NXPH1: variants seen among roughly 807,000 people sequenced by gnomAD.
NXPH1 encodes the protein neurexophilin 1.
A neutral mutation model predicts 23.7 loss-of-function variants in NXPH1; 5 were observed. The observed-to-expected ratio is 0.21, with a 90% CI of 0.11 to 0.44. The LOEUF (loss-of-function observed/expected upper bound fraction) is 0.44. NXPH1 is among the 20% of genes least tolerant of loss of function. The pLI, the probability that NXPH1 is intolerant of heterozygous loss-of-function variation, is 0.99. For synonymous variants in NXPH1, 144 were observed against 122.2 expected, an observed-to-expected ratio of 1.18 and a Z score of -1.18; for missense variants, 324 against 321.6, an observed-to-expected ratio of 1.01 and a Z score of -0.06.
At chr7:8,454,381 G>A (rs1490053497) in intron 2 of NXPH1, among the ~76,000 whole-genome samples, 1 of 152,104 alleles carries the variant, frequency 6.6e-6, no homozygotes, top group African/African-American at 2.4e-5. Context: ...AGAGTTTAAA[G>A]GGGAGATAGA....
intron 2 of NXPH1, among the ~76,000 whole-genome samples, chr7:8,544,788 G>A (rs537225172): frequency 6.6e-6 from 1 of 151,670 alleles, no homozygotes; most frequent in African/African-American, 2.4e-5. Context: ...TTCTAGACAT[G>A]AAGCATTTGT....
intron 2 of NXPH1, among the ~76,000 whole-genome samples, chr7:8,439,479 C>T (rs543573109): frequency 1.1e-4 from 16 of 152,184 alleles, no homozygotes; most frequent in Admixed American, 5.2e-4. Flanking sequence ...CCAATGCATC[C>T]GACAAGGCAT....
At chr7:8,537,950 G>T (rs79741225) in intron 2 of NXPH1, among the ~76,000 whole-genome samples, 4 of 151,860 alleles carry the variant, frequency 2.6e-5, no homozygotes, top group Non-Finnish European at 4.4e-5. Context: ...AAGGCGAGGG[G>T]AATGGAGCCC....
chr7:8,717,581 T>A (rs529262927), intron 2 of NXPH1, among the ~76,000 whole-genome samples: 8 of 152,314 alleles, frequency 5.3e-5, no homozygotes, highest in African/African-American at 1.9e-4. Context: ...TGACTTTTGA[T>A]TTTTCACTGA....
At chr7:8,683,659 G>T (rs1037607365) in intron 2 of NXPH1, among the ~76,000 whole-genome samples, 1 of 151,914 alleles carries the variant, frequency 6.6e-6, no homozygotes, top group Non-Finnish European at 1.5e-5. Context: ...CTGGCTTTTT[G>T]ATCTATTAGG....
chr7:8,745,693 C>G (rs1375468679), intron 2 of NXPH1, among the ~76,000 whole-genome samples: 1 of 149,266 alleles, frequency 6.7e-6, no homozygotes, highest in African/African-American at 2.5e-5. Context: ...GCTGGGACTA[C>G]AGGCATGTGC....
In NXPH1 at chr7:8,435,286, C is replaced by T. The variant is rs1240321520; in HGVS notation, c.-110-318C>T. Reference sequence around the variant, plus strand: ...GGCCACCCAACACAAGGGCAGGTCTCGCTGCCGGAGAAGCCTGGGCTCCGA... The same window carrying T: ...GGCCACCCAACACAAGGGCAGGTCTTGCTGCCGGAGAAGCCTGGGCTCCGA... On this transcript the variant is annotated intron_variant, in intron 1 of 2. Transcript: ENST00000405863. The surrounding 1 kb of genome is among the most constrained non-coding windows in gnomAD (Gnocchi z 5.9). 4 of 256,418 alleles carry T rather than the reference C, an allele frequency of 1.6e-5. No individual in the cohort carries two copies. The highest frequency in any genetic ancestry group is 5.1e-5 in the Admixed American group (1 of 19,702). The allele number at this position is 256,418 out of a possible 1,614,324, so 15.9% of individuals were successfully genotyped here.
At chr7:8,501,866 C>T (rs376339068) in intron 2 of NXPH1, among the ~76,000 whole-genome samples, 10 of 152,162 alleles carry the variant, frequency 6.6e-5, no homozygotes, top group East Asian at 3.9e-4. Context: ...TCAATGAAGA[C>T]GGCAATTAGA....
intron 2 of NXPH1, among the ~76,000 whole-genome samples, chr7:8,553,821 CAA>C (rs1818313821): frequency 6.6e-6 from 1 of 151,642 alleles, no homozygotes; most frequent in African/African-American, 2.4e-5. Flanking sequence ...AAAAATAAAA[CAA>C]ACTACAGGTT....
chr7:8,637,366 G>T (rs62447914), intron 2 of NXPH1, among the ~76,000 whole-genome samples: 41,689 of 151,818 alleles, frequency 0.27, 6,171 homozygotes, highest in African/African-American at 0.35. Flanking sequence ...GGGACCACAG[G>T]CTCGTGCCAC....
rs4720784 is a variant in NXPH1, at chr7:8,543,184, T to C, written c.54+107417T>C. Among the ~76,000 whole-genome samples, 666 of 151,706 alleles carry C rather than the reference T, an allele frequency of 4.4e-3. 10 individuals carry two copies. The highest frequency in any genetic ancestry group is 0.027 in the Admixed American group (413 of 15,200). ...TATACTGCTACTATAAAACTCTTCATTGACCTTCAATTGCATCTCATCCAC... is the reference window on the plus strand; with the variant it reads ...TATACTGCTACTATAAAACTCTTCACTGACCTTCAATTGCATCTCATCCAC... On this transcript the variant is annotated intron_variant, in intron 2 of 2. Coordinates refer to ENST00000405863, the MANE Select transcript of NXPH1 (RefSeq NM_152745.3).
intron 2 of NXPH1, among the ~76,000 whole-genome samples, chr7:8,484,779 C>G (rs1055964780): frequency 6.6e-6 from 1 of 152,086 alleles, no homozygotes; most frequent in African/African-American, 2.4e-5. Flanking sequence ...TTTCTTTAAT[C>G]AGGGAAAAAT....
intron 2 of NXPH1, among the ~76,000 whole-genome samples, chr7:8,503,100 G>T (rs1044008801): frequency 6.6e-6 from 1 of 152,074 alleles, no homozygotes; most frequent in African/African-American, 2.4e-5. Flanking sequence ...CTGGCAAAGA[G>T]AAATATTTGA....
At chr7:8,628,356 T>A (rs1820039846) in intron 2 of NXPH1, among the ~76,000 whole-genome samples, 1 of 146,624 alleles carries the variant, frequency 6.8e-6, no homozygotes, top group Admixed American at 6.8e-5. Context: ...CATTAGAACA[T>A]TTTATGCATA....
chr7:8,449,561 T>C (rs1816468961), intron 2 of NXPH1, among the ~76,000 whole-genome samples: 1 of 152,178 alleles, frequency 6.6e-6, no homozygotes, highest in Non-Finnish European at 1.5e-5. Flanking sequence ...CTCATGCTAG[T>C]GATATGGTTG....
intron 2 of NXPH1, among the ~76,000 whole-genome samples, chr7:8,683,110 G>A (rs1821084070): frequency 6.6e-6 from 1 of 152,224 alleles, no homozygotes; most frequent in African/African-American, 2.4e-5. Flanking sequence ...GGCTTCTGGT[G>A]AGGCCTCAAG....
chr7:8,536,049 G>A (rs999963295), intron 2 of NXPH1, among the ~76,000 whole-genome samples: 5 of 151,920 alleles, frequency 3.3e-5, no homozygotes, highest in African/African-American at 1.2e-4. Flanking sequence ...TAAACACCTT[G>A]TACTTCTACT....
intron 2 of NXPH1, among the ~76,000 whole-genome samples, chr7:8,661,803 C>T (rs1820679636): frequency 6.6e-6 from 1 of 152,110 alleles, no homozygotes; most frequent in South Asian, 2.1e-4. Flanking sequence ...GCCCCTCAGT[C>T]TTCTGTTATA....
intron 2 of NXPH1, among the ~76,000 whole-genome samples, chr7:8,748,943 T>C (rs758038432): frequency 6.6e-6 from 1 of 152,106 alleles, no homozygotes; most frequent in Non-Finnish European, 1.5e-5. Flanking sequence ...AACAGGCAAA[T>C]AGGAGACTGC....
Sources: gnomAD v4.1 joint callset for allele counts (sites outside exome capture counted in the v4.1 genomes callset) on GRCh38, gnomAD v4.1.1 for gene constraint, Gnocchi (gnomAD v3.1) non-coding constraint, MANE v1.5 for transcripts, NCBI Gene and HGNC (gene_info 2026-07-23, HGNC 2026-07-21) for gene names.